Variants in SYCP1 observed in about 807,000 individuals in gnomAD.
SYCP1 encodes synaptonemal complex protein 1, also known as cancer/testis antigen 8.
A neutral mutation model predicts 153.1 loss-of-function variants in SYCP1; 64 were observed. The ratio of observed to expected loss-of-function variants is 0.42; its 90% confidence interval spans 0.34 to 0.51. The LOEUF is 0.51. Ranked by LOEUF, SYCP1 falls within the 20% of genes least tolerant of loss-of-function variation. The pLI, the probability that SYCP1 is intolerant of heterozygous loss-of-function variation, is 0.06. For synonymous variants in SYCP1, 384 were observed against 341.8 expected (o/e 1.12, Z -1.36); for missense variants, 997 against 1,049.0 (o/e 0.95, Z 0.68).
chr1:114,964,395 A>G (rs1271120766), intron 27 of SYCP1, among the ~76,000 whole-genome samples: 2 of 151,942 alleles, frequency 1.3e-5, no homozygotes, highest in African/African-American at 4.8e-5. Flanking sequence ...CCATTTGTCT[A>G]TTTTGGCTTT....
chr1:114,965,020 G>T (rs1672026842), intron 27 of SYCP1, among the ~76,000 whole-genome samples: 1 of 152,124 alleles, frequency 6.6e-6, no homozygotes, highest in East Asian at 1.9e-4. Context: ...CCATTTGTTT[G>T]TGTCCTCTCT....
chr1:114,933,164 C>G (rs1278691460), intron 23 of SYCP1, among the ~76,000 whole-genome samples: 1 of 152,192 alleles, frequency 6.6e-6, no homozygotes, highest in Non-Finnish European at 1.5e-5. Flanking sequence ...CAGACTGACA[C>G]CTCACATGGC....
At chr1:114,989,668 A>G (rs1047317682) in intron 30 of SYCP1, among the ~76,000 whole-genome samples, 1 of 152,006 alleles carries the variant, frequency 6.6e-6, no homozygotes, top group Non-Finnish European at 1.5e-5. Context: ...GAATGGAAAA[A>G]GATATTCTGT....
intron 20 of SYCP1, among the ~76,000 whole-genome samples, chr1:114,917,114 C>T (rs1302977332): frequency 1.3e-5 from 2 of 151,982 alleles, no homozygotes; most frequent in African/African-American, 4.8e-5. Flanking sequence ...TTTTTGTACT[C>T]ATTAACCATC....
At chr1:114,868,136 T>A (rs996569764) in intron 8 of SYCP1, among the ~76,000 whole-genome samples, 1 of 151,762 alleles carries the variant, frequency 6.6e-6, no homozygotes, top group East Asian at 1.9e-4. Context: ...TTATACTTTT[T>A]TTTTTTTTTG....
chr1:114,878,912 G>C (rs556856894), intron 12 of SYCP1, among the ~76,000 whole-genome samples: 1 of 152,284 alleles, frequency 6.6e-6, no homozygotes, highest in African/African-American at 2.4e-5. Context: ...TTCCCAGAGA[G>C]AGACCTTTAG....
At chr1:114,930,809 A>G (rs944572129) in intron 23 of SYCP1, among the ~76,000 whole-genome samples, 1 of 151,946 alleles carries the variant, frequency 6.6e-6, no homozygotes, top group Admixed American at 6.6e-5. Flanking sequence ...CCATCTGAAT[A>G]AAAGAAAATT....
At chr1:114,929,399 G>T (rs1669481115) in intron 23 of SYCP1, among the ~76,000 whole-genome samples, 1 of 151,784 alleles carries the variant, frequency 6.6e-6, no homozygotes, top group South Asian at 2.1e-4. Flanking sequence ...TAAAAAGGCA[G>T]AAATGGTCAT....
chr1:114,957,133 T>C (rs1179308591), intron 27 of SYCP1, among the ~76,000 whole-genome samples: 1 of 151,728 alleles, frequency 6.6e-6, no homozygotes, highest in African/African-American at 2.4e-5. Context: ...GGTACAATCA[T>C]AGCTCACTGG....
chr1:114,905,573 T>C (rs1170509889), intron 16 of SYCP1, among the ~76,000 whole-genome samples: 2 of 152,234 alleles, frequency 1.3e-5, no homozygotes, highest in Non-Finnish European at 2.9e-5. Context: ...ACATGGTAGA[T>C]TAGCTTCCAA....
At chr1:114,922,149 TG>T (rs1452785053) in intron 20 of SYCP1, among the ~76,000 whole-genome samples, 1 of 152,178 alleles carries the variant, frequency 6.6e-6, no homozygotes, top group Non-Finnish European at 1.5e-5. Context: ...ATAACCTTCT[TG>T]TCCTTGAATA....
In SYCP1 at chr1:114,943,508, T is replaced by C. The variant is rs534746287; in HGVS notation, c.1927-831T>C. On this transcript the variant is annotated intron_variant, in intron 23 of 31. Coordinates refer to ENST00000369522, the MANE Select transcript of SYCP1 (RefSeq NM_003176.4). ...AAAAATAATGTACTATGAAAACATT[T>C]ATATGAAGTTCAAAAAAAATCTTGA... Among the ~76,000 whole-genome samples the C allele has an allele frequency of 1.3e-5, 2 of 152,008 alleles. 1 individual carries two copies. Among genetic ancestry groups the C allele is most frequent in the South Asian group, 4.1e-4 (2 of 4,828 alleles).
In SYCP1 at chr1:114,995,201, T is replaced by C. The variant is rs1674202541; in HGVS notation, c.*182T>C. On this transcript the variant is annotated 3_prime_UTR_variant, in exon 32 of 32. Transcript: ENST00000369522. ...TAACTACATATTGTCTGGAAACCTG[T>C]CATTGTATTCAGATAATTAGATGAT... is the stretch of plus-strand genomic sequence containing the variant. The C allele has an allele frequency of 4.0e-6, 2 of 494,086 alleles. No individual in the cohort carries two copies. The highest frequency in any genetic ancestry group is 6.8e-6 in the Non-Finnish European group (2 of 295,080). 30.6% of individuals were successfully genotyped at this position (494,086 alleles called of 1,614,324 possible). A position where few individuals can be genotyped will look rare whatever the true frequency, so the allele number is the denominator to read the frequency against.
chr1:114,944,765 C>T (rs1338644743), intron 24 of SYCP1, 107 bp from the exon 25 acceptor site: 1 of 833,942 alleles, frequency 1.2e-6, no homozygotes, highest in Non-Finnish European at 1.9e-6. Context: ...TTCCAGTTTC[C>T]TGGTGTTTGA....
In SYCP1 at chr1:114,876,066, C is replaced by T; in HGVS notation, c.658-3C>T. ...GTATGATTCTTAAAACTTTATATTTCAGAAAATGATAACAGCTTTTGAGGA... is the reference window on the plus strand; with the variant it reads ...GTATGATTCTTAAAACTTTATATTTTAGAAAATGATAACAGCTTTTGAGGA... On this transcript the variant is annotated splice_polypyrimidine_tract_variant and splice_region_variant and intron_variant, in intron 9 of 31. Coordinates refer to ENST00000369522, the MANE Select transcript of SYCP1 (RefSeq NM_003176.4). The T allele has an allele frequency of 6.5e-7, 1 of 1,544,484 alleles. No individual in the cohort carries two copies. The highest frequency in any genetic ancestry group is 2.0e-5 in the Admixed American group (1 of 49,336).
At chr1:114,904,356 T>C (rs200904362) in intron 16 of SYCP1, among the ~76,000 whole-genome samples, 1 of 152,156 alleles carries the variant, frequency 6.6e-6, no homozygotes, top group Non-Finnish European at 1.5e-5. Context: ...GACCTTGTGA[T>C]CTGCCCACCT....
In SYCP1 at chr1:114,938,538, A is replaced by G. The variant is rs952998321; in HGVS notation, c.1927-5801A>G. Among the ~76,000 whole-genome samples, 8 of 152,170 alleles carry G rather than the reference A, an allele frequency of 5.3e-5. No individual in the cohort carries two copies. In the East Asian group the frequency reaches 5.8e-4, roughly 11 times the overall value. Reference sequence around the variant, plus strand: ...ATTGTGCACATGTACCCTAGAACTTAAAGTATAATTAAAAAAATAAATAAA... The same window carrying G: ...ATTGTGCACATGTACCCTAGAACTTGAAGTATAATTAAAAAAATAAATAAA... On this transcript the variant is annotated intron_variant, in intron 23 of 31. Coordinates refer to ENST00000369522, the MANE Select transcript of SYCP1 (RefSeq NM_003176.4).
At chr1:114,961,530 T>C (rs1200018628) in intron 27 of SYCP1, among the ~76,000 whole-genome samples, 4 of 152,232 alleles carry the variant, frequency 2.6e-5, no homozygotes, top group Admixed American at 2.0e-4. Flanking sequence ...GAGGCATTGA[T>C]AGGCTGTGTC....
At chr1:114,990,289 A>C (rs1018766780) in intron 30 of SYCP1, among the ~76,000 whole-genome samples, 1 of 152,036 alleles carries the variant, frequency 6.6e-6, no homozygotes, top group African/African-American at 2.4e-5. Flanking sequence ...AAATACTTAG[A>C]GATTAATGAA....
Sources: allele counts gnomAD v4.1 joint callset (sites outside exome capture counted in the v4.1 genomes callset), GRCh38; gene constraint gnomAD v4.1.1; transcripts MANE v1.5; gene names NCBI Gene and HGNC (gene_info 2026-07-23, HGNC 2026-07-21).